Variants in PRKN observed in about 807,000 individuals in gnomAD.
The protein encoded by PRKN is parkin RBR E3 ubiquitin protein ligase.
In PRKN, 56 loss-of-function variants were observed where a neutral mutation model predicts 59.5. The ratio of observed to expected loss-of-function variants is 0.94; its 90% CI spans 0.76 to 1.18. The LOEUF (loss-of-function observed/expected upper bound fraction) is 1.18, where lower values mean the gene tolerates loss of function less well. Ranked by LOEUF, PRKN falls within the 50% of genes most tolerant of loss-of-function variation. The pLI, the probability that PRKN is intolerant of heterozygous loss-of-function variation, is 0.00. For missense variants in PRKN, 657 were observed against 596.4 expected, an observed-to-expected ratio of 1.10 and a Z score of -1.06; for synonymous variants, 250 against 222.1, an observed-to-expected ratio of 1.13 and a Z score of -1.12.
chr6:162,391,184 G>A (rs952366046), intron 2 of PRKN, among the ~76,000 whole-genome samples: 2 of 152,012 alleles, frequency 1.3e-5, no homozygotes, highest in Non-Finnish European at 2.9e-5. Context: ...TTCTTACTAC[G>A]CATGCTTGAC....
intron 1 of PRKN, among the ~76,000 whole-genome samples, chr6:162,502,122 T>C (rs748648130): frequency 3.3e-5 from 5 of 152,078 alleles, no homozygotes; most frequent in Non-Finnish European, 5.9e-5. Flanking sequence ...GCAAACATCA[T>C]CATTAGGATA....
intron 9 of PRKN, among the ~76,000 whole-genome samples, chr6:161,438,215 A>ATTTTTTTT (rs34955373): frequency 1.8e-5 from 2 of 112,438 alleles, no homozygotes; most frequent in African/African-American, 3.6e-5. Flanking sequence ...AATTCTGTTA[A>ATTTTTTTT]TTTTTTTTTT....
At chr6:162,593,152 T>C (rs1184572825) in intron 1 of PRKN, among the ~76,000 whole-genome samples, 1 of 152,114 alleles carries the variant, frequency 6.6e-6, no homozygotes, top group African/African-American at 2.4e-5. Context: ...AATTAGGAAG[T>C]ATAAGAGCAC....
At chr6:162,089,756 C>T (rs1264665683) in intron 4 of PRKN, among the ~76,000 whole-genome samples, 3 of 152,140 alleles carry the variant, frequency 2.0e-5, no homozygotes, top group Non-Finnish European at 4.4e-5. Context: ...AACTTTTAAA[C>T]GTCATAAGCG....
At position 161,378,320 on chromosome 6, in the gene PRKN, G is replaced by A. The variant is rs1472885815; in HGVS notation, c.1167+8474C>T. Among the ~76,000 whole-genome samples, 2 of 152,154 alleles carry A rather than the reference G, an allele frequency of 1.3e-5. No homozygotes were observed. Among genetic ancestry groups the A allele is most frequent in the African/African-American group, 2.4e-5 (1 of 41,432 alleles). ...CAGGGCACTCCCGTGTGGAGGAAGC[G>A]TGGTGGTGAGGTGAAGCCCTGCCAG... is the stretch of plus-strand genomic sequence containing the variant. On this transcript the variant is annotated intron_variant, in intron 10 of 11. Coordinates refer to ENST00000366898, the MANE Select transcript of PRKN (RefSeq NM_004562.3). This position sits in a 1 kb window ranked among gnomAD's most constrained non-coding sequence, Gnocchi z 7.3.
chr6:162,164,511 CT>C (rs773817815), intron 4 of PRKN, among the ~76,000 whole-genome samples: 1 of 149,054 alleles, frequency 6.7e-6, no homozygotes, highest in Non-Finnish European at 1.5e-5. Flanking sequence ...CATGCCTGGC[CT>C]AATCTGTGGA....
rs1180805355 is a variant in PRKN, at chr6:162,057,555, C to T, written c.535-3381G>A. On this transcript the variant is annotated intron_variant, in intron 4 of 11. Coordinates refer to ENST00000366898, the MANE Select transcript of PRKN (RefSeq NM_004562.3). Reference sequence around the variant, plus strand: ...GAAATGATACCTACGACCTTGATCACGTTCATCAGCCTCATTTTTCTGGCT... The same window carrying T: ...GAAATGATACCTACGACCTTGATCATGTTCATCAGCCTCATTTTTCTGGCT... Among the ~76,000 whole-genome samples, 3 of 152,296 alleles carry T rather than the reference C, an allele frequency of 2.0e-5. No homozygotes were observed. In the South Asian group the frequency reaches 6.2e-4, roughly 32 times the overall value.
At chr6:161,732,456 G>A (rs7747985) in intron 7 of PRKN, among the ~76,000 whole-genome samples, 4,259 of 146,610 alleles carry the variant, frequency 0.029, 55 homozygotes, top group Non-Finnish European at 0.033. Context: ...TCATTGTTCA[G>A]CTTGCATTTC....
chr6:161,746,658 A>G (rs1403840132), intron 7 of PRKN, among the ~76,000 whole-genome samples: 1 of 146,540 alleles, frequency 6.8e-6, no homozygotes, highest in Non-Finnish European at 1.5e-5. Context: ...ATCTATATAG[A>G]TATATATGTA....
At chr6:161,910,034 T>G (rs1395687513) in intron 6 of PRKN, among the ~76,000 whole-genome samples, 1 of 152,146 alleles carries the variant, frequency 6.6e-6, no homozygotes, top group East Asian at 1.9e-4. Flanking sequence ...ACGCTAGCCC[T>G]CATGGGTGAT....
intron 2 of PRKN, among the ~76,000 whole-genome samples, chr6:162,356,747 T>TAAAAAAAAAAAAAAAAAAAAAAAAA (rs748212596): frequency 4.1e-5 from 3 of 73,064 alleles, no homozygotes; most frequent in Non-Finnish European, 5.5e-5. Context: ...TGATTATTAG[T>TAAAAAAAAAAAAAAAAAAAAAAAAA]AAAAAAAAAA....
At chr6:162,214,451 G>A (rs577020669) in intron 3 of PRKN, among the ~76,000 whole-genome samples, 7 of 152,166 alleles carry the variant, frequency 4.6e-5, no homozygotes, top group Admixed American at 2.0e-4. Flanking sequence ...GCACATGAAA[G>A]GTGGTTCCTG....
chr6:162,014,134 T>C (rs1476780286), intron 5 of PRKN, among the ~76,000 whole-genome samples: 1 of 152,158 alleles, frequency 6.6e-6, no homozygotes, highest in Non-Finnish European at 1.5e-5. Flanking sequence ...TTTATCTCAC[T>C]TGTTTCTGGT....
intron 1 of PRKN, among the ~76,000 whole-genome samples, chr6:162,468,997 C>A (rs1364259358): frequency 6.6e-6 from 1 of 151,942 alleles, no homozygotes; most frequent in African/African-American, 2.4e-5. Context: ...GAGGTCCTAC[C>A]AATGAATCCA....
chr6:162,181,179 G>T (rs556771302), intron 4 of PRKN, among the ~76,000 whole-genome samples: 1 of 152,194 alleles, frequency 6.6e-6, no homozygotes, highest in African/African-American at 2.4e-5. Context: ...CGGGGGTGAC[G>T]TTCCAGTCCC....
At chr6:162,407,235 C>T (rs138646878) in intron 2 of PRKN, among the ~76,000 whole-genome samples, 51 of 152,218 alleles carry the variant, frequency 3.4e-4, no homozygotes, top group African/African-American at 9.1e-4. Flanking sequence ...TAAGAGGTAA[C>T]TGAAGCTTCA....
intron 1 of PRKN, among the ~76,000 whole-genome samples, chr6:162,472,763 T>C (rs1277414503): frequency 8.4e-6 from 1 of 118,596 alleles, no homozygotes. Flanking sequence ...AGTGCTGGGA[T>C]TACAGGTGTG....
At chr6:162,222,685 G>C (rs74344264) in intron 3 of PRKN, among the ~76,000 whole-genome samples, 1 of 152,012 alleles carries the variant, frequency 6.6e-6, no homozygotes, top group African/African-American at 2.4e-5. Flanking sequence ...CAATGTCTGC[G>C]GGTCAGACCT....
At chr6:162,242,014 T>C (rs1048174950) in intron 3 of PRKN, among the ~76,000 whole-genome samples, 1 of 151,952 alleles carries the variant, frequency 6.6e-6, no homozygotes, top group African/African-American at 2.4e-5. Flanking sequence ...ACACATTCCA[T>C]GGATAATTCT....
Sources: gnomAD v4.1 joint callset for allele counts (sites outside exome capture counted in the v4.1 genomes callset) on GRCh38, gnomAD v4.1.1 for gene constraint, Gnocchi (gnomAD v3.1) non-coding constraint, MANE v1.5 for transcripts, NCBI Gene and HGNC (gene_info 2026-07-23, HGNC 2026-07-21) for gene names.